CARMIL1: variants seen among roughly 807,000 people sequenced by gnomAD.
The protein encoded by CARMIL1 is capping protein regulator and myosin 1 linker 1.
CARMIL1 carries 90 observed loss-of-function variants against 177.1 expected under a neutral mutation model. The ratio of observed to expected loss-of-function variants is 0.51; its 90% CI spans 0.43 to 0.61. The LOEUF (loss-of-function observed/expected upper bound fraction) is 0.61. CARMIL1 is among the 20% of genes least tolerant of loss of function. The pLI, the probability that CARMIL1 is intolerant of heterozygous loss-of-function variation, is 0.00. For synonymous variants in CARMIL1, 577 were observed against 606.2 expected (o/e 0.95, Z 0.71); for missense variants, 1,380 against 1,667.0 (o/e 0.83, Z 3.00).
At chr6:25,337,267 T>C (rs1786352350) in intron 2 of CARMIL1, among the ~76,000 whole-genome samples, 2 of 152,342 alleles carry the variant, frequency 1.3e-5, no homozygotes, top group South Asian at 4.1e-4. Context: ...ATGTTGATGG[T>C]TGAGCTTCCA....
chr6:25,294,065 T>G (rs1358718908), intron 2 of CARMIL1, among the ~76,000 whole-genome samples: 1 of 152,210 alleles, frequency 6.6e-6, no homozygotes, highest in East Asian at 1.9e-4. Context: ...TGGTGAACAT[T>G]GGCCAGCAAG....
At chr6:25,472,689 T>C (rs1329956306) in intron 11 of CARMIL1, 168 bp downstream of exon 11, 3 of 575,342 alleles carry the variant, frequency 5.2e-6, no homozygotes, top group African/African-American at 3.8e-5. Flanking sequence ...ATGCTTATGT[T>C]ACAATTGTAT....
chr6:25,364,208 T>A (rs1015100740), intron 2 of CARMIL1, among the ~76,000 whole-genome samples: 2 of 151,962 alleles, frequency 1.3e-5, no homozygotes, highest in African/African-American at 4.8e-5. Context: ...CCTCCCAGAG[T>A]GTTGGGATTA....
At chr6:25,303,575 G>T (rs899534412) in intron 2 of CARMIL1, among the ~76,000 whole-genome samples, 2 of 152,190 alleles carry the variant, frequency 1.3e-5, no homozygotes, top group African/African-American at 2.4e-5. Context: ...TTCTTGAAGC[G>T]CCAATTATCA....
intron 2 of CARMIL1, among the ~76,000 whole-genome samples, chr6:25,348,137 G>A (rs1158082707): frequency 1.3e-5 from 2 of 152,034 alleles, no homozygotes; most frequent in African/African-American, 4.8e-5. Context: ...AACACTTAAA[G>A]CACTTCTTTT....
At chr6:25,385,564 T>C (rs922558843) in intron 2 of CARMIL1, among the ~76,000 whole-genome samples, 2 of 152,194 alleles carry the variant, frequency 1.3e-5, no homozygotes, top group African/African-American at 4.8e-5. Flanking sequence ...TATTTTCACA[T>C]AGATAAACAG....
chr6:25,569,335 T>TAAGCCGTCTTTC (rs1318699939), intron 29 of CARMIL1, among the ~76,000 whole-genome samples: 1 of 152,230 alleles, frequency 6.6e-6, no homozygotes, highest in East Asian at 1.9e-4. Context: ...GTTTTGGTGA[T>TAAGCCGTCTTTC]AAGCCGTCTT....
At position 25,279,660 on chromosome 6, in the gene CARMIL1, C is replaced by G. The variant is rs1001447622; in HGVS notation, c.-136C>G. 5.1e-6 allele frequency: 4 copies of G among 789,582 alleles called. No homozygotes were observed. In the African/African-American group the frequency reaches 6.8e-5, roughly 13 times the overall value. 48.9% of individuals were successfully genotyped at this position (789,582 alleles called of 1,614,324 possible). On this transcript the variant is annotated 5_prime_UTR_variant, in exon 1 of 37. Coordinates refer to ENST00000329474, the MANE Select transcript of CARMIL1 (RefSeq NM_017640.6). Reference sequence around the variant, plus strand: ...GGGGGCGCGCGGCAAAATTCTGTCTCCGCCCCCCCTTTTCTTGCCCACTTC... The same window carrying G: ...GGGGGCGCGCGGCAAAATTCTGTCTGCGCCCCCCCTTTTCTTGCCCACTTC...
At position 25,349,597 on chromosome 6, in the gene CARMIL1, A is replaced by G. The variant is rs141930345; in HGVS notation, c.138+64688A>G. 5.6e-3 allele frequency among the ~76,000 whole-genome samples: 852 copies of G among 152,278 alleles called. 8 individuals are homozygous for G. The highest frequency in any genetic ancestry group is 0.018 in the African/African-American group (751 of 41,548). On this transcript the variant is annotated intron_variant, in intron 2 of 36. Coordinates refer to ENST00000329474, the MANE Select transcript of CARMIL1 (RefSeq NM_017640.6). The stretch of plus-strand genomic sequence containing the variant: ...TATGTTTGTGGCTTCTCTTTAAAAG[A>G]TTGGTAGTTCCCACTGCCTGAGGCC...
Position 25,288,914 on chromosome 6 carries a change from A to G in CARMIL1, c.138+4005A>G, listed in dbSNP as rs549001358. On this transcript the variant is annotated intron_variant, in intron 2 of 36. Coordinates refer to ENST00000329474, the MANE Select transcript of CARMIL1 (RefSeq NM_017640.6). ...AAATTTGGCAGAGTGTTAAAGATAA[A>G]TCAGTTTCTTTACTGCATGAGTTTT... 1.8e-4 allele frequency among the ~76,000 whole-genome samples: 28 copies of G among 152,352 alleles called. No homozygotes were observed. In the South Asian group the frequency reaches 5.0e-3, roughly 27 times the overall value.
intron 2 of CARMIL1, among the ~76,000 whole-genome samples, chr6:25,291,726 A>G (rs1241778496): frequency 6.6e-6 from 1 of 152,220 alleles, no homozygotes; most frequent in East Asian, 1.9e-4. Flanking sequence ...AACCTATAAT[A>G]GTGTAAACCT....
intron 36 of CARMIL1, among the ~76,000 whole-genome samples, chr6:25,613,341 A>G (rs564473979): frequency 6.6e-6 from 1 of 152,292 alleles, no homozygotes; most frequent in African/African-American, 2.4e-5. Context: ...AAAGTCACTG[A>G]CTCAATGCAG....
chr6:25,335,130 T>C lies in CARMIL1; in HGVS notation c.138+50221T>C, dbSNP rs188769463. Among the ~76,000 whole-genome samples, 5 of 152,344 alleles carry C rather than the reference T, an allele frequency of 3.3e-5. No individual in the cohort carries two copies. The East Asian group carries it at 9.6e-4, about 29-fold the overall frequency. On this transcript the variant is annotated intron_variant, in intron 2 of 36. Transcript: ENST00000329474. ...CTGCATGGGGTTATGCTTTTTTCTTTCAATGAAGCGTAGGAAGTCTCCTTG... is the reference window on the plus strand; with the variant it reads ...CTGCATGGGGTTATGCTTTTTTCTTCCAATGAAGCGTAGGAAGTCTCCTTG...
rs190201087 is a variant in CARMIL1 at position 25,351,513 on chromosome 6, A to G, written c.138+66604A>G. On this transcript the variant is annotated intron_variant, in intron 2 of 36. Coordinates refer to ENST00000329474, the MANE Select transcript of CARMIL1 (RefSeq NM_017640.6). ...CAAATGTGGAGAGACTGAAAATCGT[A>G]AATTGTTTTCACACCTCTTGCCTTT... Among the ~76,000 whole-genome samples the G allele has an allele frequency of 2.6e-3, 389 of 152,334 alleles. 2 individuals are homozygous for G. Among genetic ancestry groups the G allele is most frequent in the African/African-American group, 8.1e-3 (337 of 41,574 alleles).
intron 2 of CARMIL1, among the ~76,000 whole-genome samples, chr6:25,294,623 A>C (rs1283287117): frequency 6.6e-6 from 1 of 152,104 alleles, no homozygotes; most frequent in Non-Finnish European, 1.5e-5. Context: ...TCACAGAACA[A>C]TTTTTCTCCC....
chr6:25,283,880 A>ATT (rs11394489), intron 1 of CARMIL1, among the ~76,000 whole-genome samples: 21 of 150,794 alleles, frequency 1.4e-4, no homozygotes, highest in South Asian at 4.2e-4. Context: ...CACCTGGCTA[A>ATT]TTTTTTTTTG....
intron 2 of CARMIL1, among the ~76,000 whole-genome samples, chr6:25,315,423 T>C (rs914932332): frequency 2.0e-5 from 3 of 152,224 alleles, no homozygotes; most frequent in African/African-American, 7.2e-5. Flanking sequence ...CATAGCAGCT[T>C]GGTCGCTCTC....
chr6:25,455,836 T>G (rs946491047), intron 8 of CARMIL1, among the ~76,000 whole-genome samples: 4 of 152,200 alleles, frequency 2.6e-5, no homozygotes, highest in African/African-American at 7.2e-5. Flanking sequence ...TCTGAGAGGA[T>G]GAAACATGGC....
chr6:25,551,038 A>G lies in CARMIL1; in HGVS notation c.2457A>G (p.Lys819=), dbSNP rs774853369. Residue 819 remains lysine, a synonymous_variant, in exon 27 of 37, where the codon AAA becomes AAG. Transcript: ENST00000329474. Reference sequence around the variant, plus strand: ...TTTCTATTCCACGTACCTTTGTTAAAAATGTCCTGTTGGAGCAGTCTGGAA... The same window carrying G: ...TTTCTATTCCACGTACCTTTGTTAAGAATGTCCTGTTGGAGCAGTCTGGAA... The part of the protein sequence containing the change: ...EKISIPRTFV[K]NVLLEQSGID... 5 of 1,613,534 alleles carry G rather than the reference A, an allele frequency of 3.1e-6. No homozygotes were observed. In the East Asian group the frequency reaches 1.1e-4, roughly 36 times the overall value.
Sources: allele counts gnomAD v4.1 joint callset (sites outside exome capture counted in the v4.1 genomes callset), GRCh38; gene constraint gnomAD v4.1.1; transcripts MANE v1.5; gene names NCBI Gene and HGNC (gene_info 2026-07-23, HGNC 2026-07-21).